LRRFIP2: variants seen among roughly 807,000 people sequenced by gnomAD.
The protein encoded by LRRFIP2 is LRR binding FLII interacting protein 2, also known as leucine-rich repeat flightless-interacting protein 2.
A neutral mutation model predicts 125.9 loss-of-function variants in LRRFIP2; 109 were observed. The ratio of observed to expected loss-of-function variants is 0.87; its 90% CI spans 0.74 to 1.01. The LOEUF (loss-of-function observed/expected upper bound fraction) is 1.01, where lower values mean the gene tolerates loss of function less well. Among genes scored for constraint, LRRFIP2 ranks in the 50% least tolerant of loss-of-function variants. The probability of loss-of-function intolerance (pLI) is 0.00; values close to 1 mark genes in which losing one functional copy is unlikely to be tolerated. For missense variants in LRRFIP2, 850 were observed against 862.3 expected (o/e 0.99, Z 0.18); for synonymous variants, 291 against 293.1 (o/e 0.99, Z 0.07).
chr3:37,144,352 C>A (rs986881323), intron 2 of LRRFIP2, among the ~76,000 whole-genome samples: 4 of 152,210 alleles, frequency 2.6e-5, no homozygotes, highest in African/African-American at 7.2e-5. Context: ...AAGAAAAGAT[C>A]TGAAACAACT....
At chr3:37,127,580 A>C in intron 4 of LRRFIP2, 50 bp downstream of exon 4, 1 of 1,577,416 alleles carries the variant, frequency 6.3e-7, no homozygotes, top group Non-Finnish European at 8.7e-7. Flanking sequence ...TCAAGACTGC[A>C]TTATTTCAGC....
chr3:37,131,666 T>C (rs1265903022), intron 2 of LRRFIP2, among the ~76,000 whole-genome samples: 3 of 152,202 alleles, frequency 2.0e-5, no homozygotes, highest in Non-Finnish European at 4.4e-5. Flanking sequence ...AGTCTCATAG[T>C]AAGAATAAAC....
intron 21 of LRRFIP2, among the ~76,000 whole-genome samples, chr3:37,071,131 T>C (rs2091112829): frequency 6.6e-6 from 1 of 152,254 alleles, no homozygotes; most frequent in South Asian, 2.1e-4. Flanking sequence ...CCAGAAGGCT[T>C]TTCTAGGTTT....
intron 18 of LRRFIP2, among the ~76,000 whole-genome samples, chr3:37,087,588 G>C (rs2149110973): frequency 6.6e-6 from 1 of 151,466 alleles, no homozygotes; most frequent in Middle Eastern, 3.5e-3. Flanking sequence ...TTACTTAAAT[G>C]CTTCTTTTTT....
intron 24 of LRRFIP2, among the ~76,000 whole-genome samples, chr3:37,059,800 T>A (rs908143195): frequency 9.6e-4 from 143 of 149,540 alleles, no homozygotes; most frequent in East Asian, 3.3e-3. Flanking sequence ...AAAAAAAAAA[T>A]AATAATAATA....
At chr3:37,063,876 C>G (rs113676507) in intron 23 of LRRFIP2, 85 bp from the exon 24 acceptor site, 1 of 861,566 alleles carries the variant, frequency 1.2e-6, no homozygotes, top group African/African-American at 1.7e-5. Context: ...TCATAAACAG[C>G]TAATATTATC....
At chr3:37,062,056 A>T (rs1196932916) in intron 24 of LRRFIP2, among the ~76,000 whole-genome samples, 1 of 152,134 alleles carries the variant, frequency 6.6e-6, no homozygotes, top group Middle Eastern at 3.2e-3. Flanking sequence ...TTCAAGGTCC[A>T]TCATTATAAT....
At chr3:37,129,875 C>T (rs1308797256) in intron 2 of LRRFIP2, among the ~76,000 whole-genome samples, 1 of 152,058 alleles carries the variant, frequency 6.6e-6, no homozygotes, top group East Asian at 1.9e-4. Context: ...CACTTGTAAT[C>T]CCAGCTACTT....
Position 37,121,479 on chromosome 3 carries a change from T to A in LRRFIP2, c.330+13A>T, listed in dbSNP as rs751741066. ...GTAAGCTTTGTATTGTGTAGACAAG[T>A]TAAAATACCAACCCTGTGACTGCCA... On this transcript the variant is annotated intron_variant, in intron 6 of 27. Coordinates refer to ENST00000336686, the MANE Select transcript of LRRFIP2 (RefSeq NM_006309.4). 1 of 1,612,982 alleles carries A rather than the reference T, an allele frequency of 6.2e-7. No homozygotes were observed. Among genetic ancestry groups the A allele is most frequent in the Admixed American group, 1.7e-5 (1 of 60,028 alleles).
chr3:37,165,853 G>GAAAGA (rs1446969176), intron 1 of LRRFIP2, among the ~76,000 whole-genome samples: 1 of 141,500 alleles, frequency 7.1e-6, no homozygotes, highest in Non-Finnish European at 1.6e-5. Flanking sequence ...AAGAAAGAAA[G>GAAAGA]AAAGAGAAAG....
At position 37,121,657 on chromosome 3, in the gene LRRFIP2, G is replaced by A. The variant is rs1559940802; in HGVS notation, c.263C>T (p.Ser88Phe). 6.2e-7 allele frequency: 1 copy of A among 1,614,198 alleles called. No homozygotes were observed. The highest frequency in any genetic ancestry group is 8.5e-7 in the Non-Finnish European group (1 of 1,180,028). The change falls in exon 5 of 28, where the codon TCC becomes TTC. Residue 88 changes from serine to phenylalanine, a missense_variant. Ser to Phe is a radical substitution (Grantham distance 155, BLOSUM62 -2). Transcript: ENST00000336686. ...DSERARYSHR[S>F]SHHRPYLGVE... The stretch of plus-strand genomic sequence containing the variant: ...AACCAGATAAGGACGATGGTGACTG[G>A]ACCGGTGGGAATACCTGGCCCTTTC...
chr3:37,132,482 T>A (rs552825305), intron 2 of LRRFIP2, among the ~76,000 whole-genome samples: 4 of 152,204 alleles, frequency 2.6e-5, no homozygotes, highest in Admixed American at 6.5e-5. Flanking sequence ...AGAAAGAACA[T>A]GGGCTTCAGA....
At chr3:37,109,782 T>G in intron 9 of LRRFIP2, 79 bp from the exon 10 acceptor site, 2 of 1,264,338 alleles carry the variant, frequency 1.6e-6, no homozygotes, top group Admixed American at 1.8e-5. Flanking sequence ...TGCAGAGGAC[T>G]TAAGTTTATG....
At chr3:37,088,000 A>G (rs371460367) in intron 18 of LRRFIP2, among the ~76,000 whole-genome samples, 6 of 152,244 alleles carry the variant, frequency 3.9e-5, no homozygotes, top group Non-Finnish European at 5.9e-5. Context: ...CCCAGACCCA[A>G]TGAATAGAAA....
intron 19 of LRRFIP2, among the ~76,000 whole-genome samples, chr3:37,079,727 G>T (rs1576225194): frequency 6.6e-6 from 1 of 152,176 alleles, no homozygotes; most frequent in African/African-American, 2.4e-5. Context: ...CCAAAAAAAT[G>T]GAATATTAAT....
Position 37,065,803 on chromosome 3 carries a change from A to G in LRRFIP2, c.1699+7T>C. 1 of 1,614,166 alleles carries G rather than the reference A, an allele frequency of 6.2e-7. No homozygotes were observed. ...AATCCAAGTCAACATAGCAACCAGT[A>G]TCTTACCTAATGGCCCTTCTCCTGC... On this transcript the variant is annotated splice_region_variant and intron_variant, in intron 23 of 27. Transcript: ENST00000336686.
intron 2 of LRRFIP2, among the ~76,000 whole-genome samples, chr3:37,136,200 G>C (rs916860839): frequency 6.6e-6 from 1 of 152,152 alleles, no homozygotes; most frequent in East Asian, 1.9e-4. Flanking sequence ...GTCACATATT[G>C]CATGATTCAA....
rs150168047 is a variant in LRRFIP2 at position 37,087,983 on chromosome 3, A to G, written c.1107+3484T>C. Among the ~76,000 whole-genome samples the G allele has an allele frequency of 6.3e-3, 956 of 152,300 alleles. 7 individuals carry two copies. The highest frequency in any genetic ancestry group is 0.021 in the African/African-American group (877 of 41,558). On this transcript the variant is annotated intron_variant, in intron 18 of 27. Coordinates refer to ENST00000336686, the MANE Select transcript of LRRFIP2 (RefSeq NM_006309.4). ...AACTGGGTAAAAATGCAAATTTCCA[A>G]TGCCATCCCAGACCCAATGAATAGA...
intron 21 of LRRFIP2, 133 bp downstream of exon 21, chr3:37,072,657 C>G: frequency 1.9e-6 from 1 of 514,718 alleles, no homozygotes; most frequent in Admixed American, 3.7e-5. Context: ...TCTCTGTCTC[C>G]TACTGACTCA....
Sources: gnomAD v4.1 joint callset for allele counts (sites outside exome capture counted in the v4.1 genomes callset) on GRCh38, gnomAD v4.1.1 for gene constraint, MANE v1.5 for transcripts, NCBI Gene and HGNC (gene_info 2026-07-23, HGNC 2026-07-21) for gene names.